CTNNBL1: variants seen among roughly 807,000 people sequenced by gnomAD.
CTNNBL1 encodes the protein catenin beta like 1.
Under a neutral mutation model 72.7 loss-of-function variants are expected in CTNNBL1, and 31 were observed. The observed-to-expected ratio is 0.43, with a 90% CI of 0.32 to 0.58. The LOEUF (loss-of-function observed/expected upper bound fraction) is 0.58, where lower values mean the gene tolerates loss of function less well. Among genes scored for constraint, CTNNBL1 ranks in the 20% least tolerant of loss-of-function variants. The probability of loss-of-function intolerance (pLI) is 0.08; values close to 1 mark genes in which losing one functional copy is unlikely to be tolerated. For synonymous variants in CTNNBL1, 240 were observed against 267.3 expected, an observed-to-expected ratio of 0.90 and a Z score of 1.00; for missense variants, 534 against 725.1, an observed-to-expected ratio of 0.74 and a Z score of 3.03.
At chr20:37,711,393 A>G (rs2072936618) in intron 1 of CTNNBL1, among the ~76,000 whole-genome samples, 1 of 151,840 alleles carries the variant, frequency 6.6e-6, no homozygotes, top group East Asian at 1.9e-4. Flanking sequence ...AGTGCTCCAT[A>G]TTGAACCTGT....
intron 13 of CTNNBL1, among the ~76,000 whole-genome samples, chr20:37,843,283 T>A (rs1279385061): frequency 6.6e-6 from 1 of 152,220 alleles, no homozygotes; most frequent in South Asian, 2.1e-4. Context: ...CATCACTCCA[T>A]CCTTTTCAGT....
chr20:37,854,333 C>G (rs1359482458), intron 13 of CTNNBL1, among the ~76,000 whole-genome samples: 3 of 152,086 alleles, frequency 2.0e-5, no homozygotes, highest in Non-Finnish European at 1.5e-5. Context: ...CTTAATTTTG[C>G]TAAGCTCCAT....
chr20:37,813,768 G>A (rs1290096003), intron 11 of CTNNBL1, among the ~76,000 whole-genome samples: 1 of 152,168 alleles, frequency 6.6e-6, no homozygotes, highest in East Asian at 1.9e-4. Flanking sequence ...ACAAATGCCA[G>A]CAATGTAGAA....
chr20:37,770,255 C>G (rs966968708), intron 7 of CTNNBL1, among the ~76,000 whole-genome samples: 1 of 152,168 alleles, frequency 6.6e-6, no homozygotes, highest in African/African-American at 2.4e-5. Context: ...TCTCTCTAAA[C>G]TCCGTTTCTT....
chr20:37,786,767 A>T lies in CTNNBL1; in HGVS notation c.1031+7432A>T, dbSNP rs556117650. 1.9e-3 allele frequency among the ~76,000 whole-genome samples: 284 copies of T among 152,274 alleles called. 4 individuals are homozygous for T. Among genetic ancestry groups the T allele is most frequent in the African/African-American group, 6.7e-3 (279 of 41,574 alleles). The stretch of plus-strand genomic sequence containing the variant: ...AAAATAATTCTCTTATTTAAAAATA[A>T]AAACATTTCAGGTTAAAAAATCTCC... On this transcript the variant is annotated intron_variant, in intron 10 of 15. Transcript: ENST00000361383.
intron 11 of CTNNBL1, among the ~76,000 whole-genome samples, chr20:37,803,659 G>A (rs893337606): frequency 7.2e-5 from 11 of 152,184 alleles, no homozygotes; most frequent in Non-Finnish European, 1.5e-4. Context: ...GAAGGCCAGG[G>A]ATTTATGAGC....
chr20:37,756,425 C>CA (rs2073363971), intron 4 of CTNNBL1: 1 of 150,574 alleles, frequency 6.6e-6, no homozygotes, highest in Non-Finnish European at 1.5e-5. Flanking sequence ...TCTCTCTCCC[C>CA]CGTTGTGTGT....
chr20:37,836,844 A>G (rs1313736784), intron 11 of CTNNBL1, among the ~76,000 whole-genome samples: 3 of 152,092 alleles, frequency 2.0e-5, no homozygotes, highest in Non-Finnish European at 4.4e-5. Context: ...TCATACAATG[A>G]GAAATTTGGC....
intron 11 of CTNNBL1, among the ~76,000 whole-genome samples, chr20:37,811,463 T>C (rs2072011531): frequency 6.6e-6 from 1 of 152,256 alleles, no homozygotes; most frequent in Non-Finnish European, 1.5e-5. Flanking sequence ...GAAAATCTTA[T>C]AATTGAATAG....
At chr20:37,762,006 G>A (rs2073421770) in intron 5 of CTNNBL1, among the ~76,000 whole-genome samples, 1 of 152,224 alleles carries the variant, frequency 6.6e-6, no homozygotes, top group South Asian at 2.1e-4. Flanking sequence ...TGGTGAAGAG[G>A]TTGGGTGGCA....
chr20:37,862,192 G>A lies in CTNNBL1; in HGVS notation c.1603+1848G>A, dbSNP rs540792399. On this transcript the variant is annotated intron_variant, in intron 15 of 15. Coordinates refer to ENST00000361383, the MANE Select transcript of CTNNBL1 (RefSeq NM_030877.5). ...TCTTCTCATTCTCAGTGTCAGATTC[G>A]CGTGAATTACTGCTCAGAGCCTCAT... Among the ~76,000 whole-genome samples, 64 of 152,238 alleles carry A rather than the reference G, an allele frequency of 4.2e-4. 1 individual carries two copies. In the South Asian group the frequency reaches 0.011, roughly 25 times the overall value.
Position 37,700,208 on chromosome 20 carries a change from A to G in CTNNBL1, c.30+6056A>G, listed in dbSNP as rs1376211249. On this transcript the variant is annotated intron_variant, in intron 1 of 15. Transcript: ENST00000361383. ...CCTTTCTATACATCATTTTTTTTCA[A>G]TCGCTTGTAAAATGAGGAGACTGAG... 5.9e-5 allele frequency among the ~76,000 whole-genome samples: 9 copies of G among 152,194 alleles called. No individual in the cohort carries two copies. The East Asian group carries it at 1.2e-3, about 20-fold the overall frequency.
chr20:37,773,273 T>C (rs2073541866), intron 7 of CTNNBL1, among the ~76,000 whole-genome samples: 1 of 152,248 alleles, frequency 6.6e-6, no homozygotes, highest in African/African-American at 2.4e-5. Context: ...TGTCTGAACC[T>C]GCCCCATGTG....
chr20:37,863,339 A>G (rs140811632), intron 15 of CTNNBL1, among the ~76,000 whole-genome samples: 13 of 152,350 alleles, frequency 8.5e-5, no homozygotes, highest in African/African-American at 3.1e-4. Context: ...AGTCCTAGAG[A>G]TACTAAAGGA....
chr20:37,748,859 T>C (rs1288856049), intron 4 of CTNNBL1, among the ~76,000 whole-genome samples: 1 of 152,236 alleles, frequency 6.6e-6, no homozygotes, highest in African/African-American at 2.4e-5. Flanking sequence ...CTTCAACATA[T>C]GAATCTGTGG....
chr20:37,826,646 C>G (rs1325400280), intron 11 of CTNNBL1, among the ~76,000 whole-genome samples: 2 of 152,154 alleles, frequency 1.3e-5, no homozygotes, highest in Non-Finnish European at 2.9e-5. Context: ...TTCAAACATA[C>G]AGAAAAGTTG....
intron 11 of CTNNBL1, among the ~76,000 whole-genome samples, chr20:37,832,789 ACT>A (rs1032047071): frequency 5.1e-5 from 3 of 59,340 alleles, no homozygotes; most frequent in Non-Finnish European, 9.5e-5. Context: ...TGTGGACCAT[ACT>A]TTTTTTTTTT....
chr20:37,730,489 A>T (rs2073119505), intron 1 of CTNNBL1, among the ~76,000 whole-genome samples: 1 of 152,212 alleles, frequency 6.6e-6, no homozygotes, highest in Non-Finnish European at 1.5e-5. Flanking sequence ...AGATGAGGAA[A>T]CTAAGGTTTA....
intron 13 of CTNNBL1, 108 bp downstream of exon 13, chr20:37,842,527 A>C (rs2072313485): frequency 2.7e-6 from 2 of 753,774 alleles, no homozygotes; most frequent in Non-Finnish European, 4.8e-6. Context: ...AGTGCCATCT[A>C]ACATGTTATA....
Sources: allele counts gnomAD v4.1 joint callset (sites outside exome capture counted in the v4.1 genomes callset), GRCh38; gene constraint gnomAD v4.1.1; transcripts MANE v1.5; gene names NCBI Gene and HGNC (gene_info 2026-07-23, HGNC 2026-07-21).